TOGARAM2: variants seen among roughly 807,000 people sequenced by gnomAD.
TOGARAM2 encodes the protein TOG array regulator of axonemal microtubules 2.
Under a neutral mutation model 93.3 loss-of-function variants are expected in TOGARAM2, and 85 were observed. That is an observed-to-expected ratio of 0.91 (90% CI 0.76 to 1.09). TOGARAM2 has a LOEUF of 1.09. Among genes scored for constraint, TOGARAM2 ranks in the 50% least tolerant of loss-of-function variants. The pLI is 0.00. For missense variants in TOGARAM2, 1,277 were observed against 1,334.5 expected (o/e 0.96, Z 0.67); for synonymous variants, 593 against 552.8 (o/e 1.07, Z -1.02).
chr2:28,967,798 C>CTTT (rs11417570), intron 1 of TOGARAM2, among the ~76,000 whole-genome samples: 4,803 of 78,552 alleles, frequency 0.061, 856 homozygotes, highest in East Asian at 0.48. Context: ...ATAAGATGGT[C>CTTT]TTTTTTTTTT....
At chr2:28,980,736 A>G (rs1172805839), upstream of TOGARAM2, among the ~76,000 whole-genome samples, 1 of 152,228 alleles carries the variant, frequency 6.6e-6, no homozygotes, top group African/African-American at 2.4e-5. Context: ...TCTGCTCTGC[A>G]AGGATTTCTG....
At chr2:28,985,436 C>CG (rs1456954029) in intron 1 of TOGARAM2, among the ~76,000 whole-genome samples, 7 of 150,618 alleles carry the variant, frequency 4.6e-5, no homozygotes, top group Non-Finnish European at 8.9e-5. Context: ...GGTGTGATCT[C>CG]GGCTCATTAA....
chr2:29,011,556 G>T, intron 7 of TOGARAM2, 55 bp downstream of exon 7: 1 of 1,520,544 alleles, frequency 6.6e-7, no homozygotes, highest in Non-Finnish European at 8.9e-7. Flanking sequence ...ACATTCCTGG[G>T]CTGGGTCAGG....
chr2:29,049,110 C>T (rs898626269), intron 19 of TOGARAM2: 1 of 151,582 alleles, frequency 6.6e-6, no homozygotes, highest in Non-Finnish European at 1.5e-5. Context: ...CGTGATCCAC[C>T]CGCCTTGGCC....
At chr2:28,979,088 C>T (rs1672076113), upstream of TOGARAM2, among the ~76,000 whole-genome samples, 3 of 152,178 alleles carry the variant, frequency 2.0e-5, no homozygotes, top group African/African-American at 7.2e-5. Flanking sequence ...CAGAGAGCTT[C>T]CAGGTGGCAG....
At chr2:29,051,272 T>A (rs1437384082) in intron 19 of TOGARAM2, 1 of 152,548 alleles carries the variant, frequency 6.6e-6, no homozygotes, top group African/African-American at 2.4e-5. Flanking sequence ...ATGTATATTA[T>A]CGAATTTCTA....
intron 15 of TOGARAM2, 144 bp from the exon 16 acceptor site, chr2:29,033,325 A>T (rs1665889234): frequency 1.3e-6 from 1 of 794,938 alleles, no homozygotes. Context: ...AGCTGCTTTC[A>T]GGGCTCTGGA....
At chr2:29,035,150 C>CAAAA (rs5830098) in intron 16 of TOGARAM2, among the ~76,000 whole-genome samples, 1 of 102,550 alleles carries the variant, frequency 9.8e-6, no homozygotes, top group East Asian at 3.9e-4. Context: ...GACTCTGCCT[C>CAAAA]AAAAAAAAAA....
At chr2:28,962,034 G>A (rs1671810196) in intron 1 of TOGARAM2, among the ~76,000 whole-genome samples, 1 of 152,018 alleles carries the variant, frequency 6.6e-6, no homozygotes, top group African/African-American at 2.4e-5. Context: ...TAGTCAGAAG[G>A]GAAGTTGGGC....
chr2:28,968,996 A>G (rs1168472757), intron 1 of TOGARAM2, among the ~76,000 whole-genome samples: 1 of 152,088 alleles, frequency 6.6e-6, no homozygotes, highest in Non-Finnish European at 1.5e-5. Context: ...GAATGAGGCC[A>G]TTGGTGCAGG....
intron 19 of TOGARAM2, chr2:29,048,350 A>T (rs1266463383): frequency 6.6e-6 from 1 of 152,180 alleles, no homozygotes; most frequent in African/African-American, 2.4e-5. Flanking sequence ...CATTAAAAGA[A>T]TTGTGTTAAA....
chr2:29,039,428 G>A (rs1666301445), intron 18 of TOGARAM2, among the ~76,000 whole-genome samples: 1 of 152,180 alleles, frequency 6.6e-6, no homozygotes, highest in Non-Finnish European at 1.5e-5. Flanking sequence ...AAGCTAGGAT[G>A]CCTTCTGGCA....
chr2:28,968,148 C>A (rs1671892940), intron 1 of TOGARAM2, among the ~76,000 whole-genome samples: 3 of 152,122 alleles, frequency 2.0e-5, no homozygotes, highest in Admixed American at 6.5e-5. Context: ...TGTCTGGGGA[C>A]AAGGACCCTC....
At position 29,003,117 on chromosome 2, in the gene TOGARAM2, A is replaced by T. The variant is rs150879166; in HGVS notation, c.639+370A>T. ...GTGTGGCAAAGAATGCTGGGCTAGGACTCAGATTTGGGCCTTGGTTTCTGT... is the reference window on the plus strand; with the variant it reads ...GTGTGGCAAAGAATGCTGGGCTAGGTCTCAGATTTGGGCCTTGGTTTCTGT... On this transcript the variant is annotated intron_variant, in intron 5 of 19. Transcript: ENST00000379558. Among the ~76,000 whole-genome samples, 550 of 151,928 alleles carry T rather than the reference A, an allele frequency of 3.6e-3. 5 individuals carry two copies. The highest frequency in any genetic ancestry group is 0.013 in the African/African-American group (526 of 41,398).
chr2:28,970,387 G>A (rs544572461), intron 1 of TOGARAM2, among the ~76,000 whole-genome samples: 1 of 152,284 alleles, frequency 6.6e-6, no homozygotes, highest in South Asian at 2.1e-4. Context: ...GGGATAATAA[G>A]AGTACCTATC....
intron 1 of TOGARAM2, among the ~76,000 whole-genome samples, chr2:28,975,858 G>T (rs1400153033): frequency 6.6e-6 from 1 of 152,104 alleles, no homozygotes; most frequent in Non-Finnish European, 1.5e-5. Context: ...GCAGGATATT[G>T]CCTCACACCC....
intron 19 of TOGARAM2, chr2:29,049,099 T>C (rs1327938634): frequency 1.3e-5 from 2 of 151,380 alleles, no homozygotes; most frequent in African/African-American, 2.4e-5. Flanking sequence ...ACTCCTGACC[T>C]CGTGATCCAC....
chr2:29,042,546 G>T (rs139217074), intron 18 of TOGARAM2, among the ~76,000 whole-genome samples: 3 of 152,156 alleles, frequency 2.0e-5, no homozygotes, highest in Non-Finnish European at 2.9e-5. Flanking sequence ...AGAACACTCG[G>T]GGGGGCTACA....
At chr2:28,997,209 G>A (rs1572657110) in intron 2 of TOGARAM2, among the ~76,000 whole-genome samples, 1 of 132,554 alleles carries the variant, frequency 7.5e-6, no homozygotes, top group East Asian at 1.9e-4. Context: ...ATCCGACAAA[G>A]GATTAATAAC....
Sources: allele counts gnomAD v4.1 joint callset (sites outside exome capture counted in the v4.1 genomes callset), GRCh38; gene constraint gnomAD v4.1.1; transcripts MANE v1.5; gene names NCBI Gene and HGNC (gene_info 2026-07-23, HGNC 2026-07-21).